ADAM22: variants seen among roughly 807,000 people sequenced by gnomAD.
ADAM22 encodes the protein disintegrin and metalloproteinase domain-containing protein 22.
ADAM22 carries 65 observed loss-of-function variants against 144.6 expected under a neutral mutation model. That is an observed-to-expected ratio of 0.45 (90% CI 0.37 to 0.55). ADAM22 has a LOEUF of 0.55. Among genes scored for constraint, ADAM22 ranks in the 20% least tolerant of loss-of-function variants. ADAM22 has a pLI of 0.00. For missense variants in ADAM22, 974 were observed against 1,184.9 expected (o/e 0.82, Z 2.61); for synonymous variants, 391 against 412.6 (o/e 0.95, Z 0.63).
intron 7 of ADAM22, among the ~76,000 whole-genome samples, chr7:88,122,571 G>T (rs1417171650): frequency 2.0e-5 from 3 of 152,170 alleles, no homozygotes; most frequent in African/African-American, 7.2e-5. Context: ...TATAGCATCT[G>T]CTCAAAGTCT....
At chr7:88,024,658 A>G (rs13242481) in intron 3 of ADAM22, among the ~76,000 whole-genome samples, 3 of 151,342 alleles carry the variant, frequency 2.0e-5, no homozygotes, top group Non-Finnish European at 1.5e-5. Context: ...CCATTAACTC[A>G]TCATTTAACA....
At chr7:88,140,578 T>C (rs1377953345) in intron 14 of ADAM22, among the ~76,000 whole-genome samples, 1 of 152,192 alleles carries the variant, frequency 6.6e-6, no homozygotes, top group African/African-American at 2.4e-5. Flanking sequence ...AAGTTTTGGC[T>C]GGCCCAGTGG....
At chr7:87,995,113 A>G (rs1790837434) in intron 3 of ADAM22, among the ~76,000 whole-genome samples, 1 of 152,156 alleles carries the variant, frequency 6.6e-6, no homozygotes, top group African/African-American at 2.4e-5. Context: ...CCACCGCGTT[A>G]ACTGGTAACA....
chr7:88,015,420 C>T (rs1298246143), intron 3 of ADAM22, among the ~76,000 whole-genome samples: 2 of 152,182 alleles, frequency 1.3e-5, no homozygotes, highest in African/African-American at 4.8e-5. Context: ...AGGCTGTATT[C>T]ACCATCCCTG....
At chr7:88,081,302 A>G (rs1458562891) in intron 4 of ADAM22, among the ~76,000 whole-genome samples, 1 of 152,174 alleles carries the variant, frequency 6.6e-6, no homozygotes, top group African/African-American at 2.4e-5. Context: ...CCTTCATGCT[A>G]AAAACTCTCA....
chr7:88,104,040 T>C (rs1050037535), intron 4 of ADAM22, among the ~76,000 whole-genome samples: 1 of 152,144 alleles, frequency 6.6e-6, no homozygotes. Flanking sequence ...GCATATATAC[T>C]GATAGAAGTG....
chr7:88,120,523 G>T (rs1003117503), intron 7 of ADAM22, among the ~76,000 whole-genome samples: 1 of 152,092 alleles, frequency 6.6e-6, no homozygotes, highest in Non-Finnish European at 1.5e-5. Flanking sequence ...TTTAATTTTA[G>T]CTATTCTAGT....
In ADAM22 at chr7:88,138,451, G is replaced by A. The variant is rs148019588; in HGVS notation, c.1220+2420G>A. Among the ~76,000 whole-genome samples the A allele has an allele frequency of 1.9e-3, 288 of 152,250 alleles. 2 individuals are homozygous for A. The highest frequency in any genetic ancestry group is 6.1e-3 in the African/African-American group (254 of 41,548). ...AAGAGATGCAAGCAAGAGAAAAGCC[G>A]TTTGTATAAAACTATGGGATATGAC... On this transcript the variant is annotated intron_variant, in intron 14 of 31. Transcript: ENST00000413139.
At chr7:87,980,643 A>G (rs1853145492) in intron 3 of ADAM22, among the ~76,000 whole-genome samples, 1 of 152,182 alleles carries the variant, frequency 6.6e-6, no homozygotes, top group Non-Finnish European at 1.5e-5. Context: ...GTATCATTAC[A>G]TAATGTTTCT....
intron 3 of ADAM22, among the ~76,000 whole-genome samples, chr7:88,034,934 A>C (rs1257458622): frequency 2.0e-5 from 3 of 151,982 alleles, no homozygotes; most frequent in Non-Finnish European, 4.4e-5. Context: ...TGTCTTTCCT[A>C]CTGTCTTCAG....
intron 3 of ADAM22, among the ~76,000 whole-genome samples, chr7:88,019,607 G>A (rs181081766): frequency 6.6e-6 from 1 of 152,228 alleles, no homozygotes; most frequent in African/African-American, 2.4e-5. Context: ...CAGCACTTTG[G>A]GAGGCCAAGG....
chr7:87,957,146 A>C (rs969793901), intron 2 of ADAM22, among the ~76,000 whole-genome samples: 4 of 152,190 alleles, frequency 2.6e-5, no homozygotes, highest in Non-Finnish European at 1.5e-5. Flanking sequence ...CTCTGGCTAA[A>C]AAGATTTTAG....
chr7:88,118,971 A>G (rs1828540143), intron 7 of ADAM22, among the ~76,000 whole-genome samples: 1 of 152,230 alleles, frequency 6.6e-6, no homozygotes. Context: ...TTTAATTATT[A>G]TAGATTACAT....
At position 88,199,658 on chromosome 7, in the gene ADAM22, T is replaced by A. The variant is rs1030814925; in HGVS notation, c.*3167T>A. On this transcript the variant is annotated 3_prime_UTR_variant, in exon 32 of 32. Coordinates refer to ENST00000413139, the MANE Select transcript of ADAM22 (RefSeq NM_001324418.2). ...CTTTCAATTTGCTGTGGTTGCTGTA[T>A]TTTTAACAAGACACCCGGAGCTTCG... The A allele has an allele frequency of 1.3e-5, 2 of 152,222 alleles. No individual in the cohort carries two copies. The highest frequency in any genetic ancestry group is 2.9e-5 in the Non-Finnish European group (2 of 68,054). The allele number at this position is 152,222 out of a possible 1,614,324, so 9.4% of individuals were successfully genotyped here. A position where few individuals can be genotyped will look rare whatever the true frequency, so the allele number is the denominator to read the frequency against.
At chr7:87,980,413 G>A (rs907885572) in intron 3 of ADAM22, among the ~76,000 whole-genome samples, 12 of 150,646 alleles carry the variant, frequency 8.0e-5, no homozygotes, top group Non-Finnish European at 1.6e-4. Context: ...TTTGTTTTTC[G>A]TGGTTTCAGT....
intron 25 of ADAM22, among the ~76,000 whole-genome samples, chr7:88,170,220 C>G (rs1305026962): frequency 6.6e-6 from 1 of 151,924 alleles, no homozygotes; most frequent in African/African-American, 2.4e-5. Flanking sequence ...TTATAAATAA[C>G]TAGCCCAAAT....
chr7:88,195,506 A>ATTTATTTTAT (rs749654329), intron 31 of ADAM22, among the ~76,000 whole-genome samples: 1 of 151,708 alleles, frequency 6.6e-6, no homozygotes, highest in Non-Finnish European at 1.5e-5. Context: ...AGAACCTTTT[A>ATTTATTTTAT]TTTATTTTAT....
At chr7:88,168,928 A>C (rs984372383) in intron 25 of ADAM22, among the ~76,000 whole-genome samples, 1 of 152,046 alleles carries the variant, frequency 6.6e-6, no homozygotes, top group Non-Finnish European at 1.5e-5. Flanking sequence ...AACTTAGGTA[A>C]CTCAAAGTTT....
chr7:88,196,518 G>C lies in ADAM22; in HGVS notation c.*27G>C, dbSNP rs200759268. 1 of 1,613,390 alleles carries C rather than the reference G, an allele frequency of 6.2e-7. No homozygotes were observed. ...ATCAACTGTTTACATGTGATACATCGAAAACTGTTTACTTCAACTTTTATA... is the reference window on the plus strand; with the variant it reads ...ATCAACTGTTTACATGTGATACATCCAAAACTGTTTACTTCAACTTTTATA... On this transcript the variant is annotated 3_prime_UTR_variant, in exon 32 of 32. Coordinates refer to ENST00000413139, the MANE Select transcript of ADAM22 (RefSeq NM_001324418.2).
Sources: allele counts gnomAD v4.1 joint callset (sites outside exome capture counted in the v4.1 genomes callset), GRCh38; gene constraint gnomAD v4.1.1; transcripts MANE v1.5; gene names NCBI Gene and HGNC (gene_info 2026-07-23, HGNC 2026-07-21).